The following INSL6 variants were observed in gnomAD, a reference collection of about 807,000 sequenced individuals.
The protein encoded by INSL6 is insulin like 6.
Under a neutral mutation model 9.4 loss-of-function variants are expected in INSL6, and 16 were observed. The ratio of observed to expected loss-of-function variants is 1.70; its 90% confidence interval spans 1.15 to 2.59. The LOEUF (loss-of-function observed/expected upper bound fraction) is 2.59, where lower values mean the gene tolerates loss of function less well. Among genes scored for constraint, INSL6 ranks in the 30% most tolerant of loss-of-function variants. The pLI is 0.00. For missense variants in INSL6, 391 were observed against 257.3 expected, an observed-to-expected ratio of 1.52 and a Z score of -3.56; for synonymous variants, 154 against 96.9, an observed-to-expected ratio of 1.59 and a Z score of -3.46.
At chr9:5,085,170 C>T in the INSL6 span, 5 of 650,982 alleles carry the variant, frequency 7.7e-6, no homozygotes, top group South Asian at 1.4e-5. Context: ...CTACATCTCC[C>T]GGCAAACTGA....
At chr9:5,172,567 G>A (rs10815171) in intron 1 of INSL6, among the ~76,000 whole-genome samples, 53,658 of 152,002 alleles carry the variant, frequency 0.35, 10,171 homozygotes, top group African/African-American at 0.51. Context: ...TCCATTTAAC[G>A]AAGGTCTAAT....
the INSL6 span, among the ~76,000 whole-genome samples, chr9:5,115,214 A>C: frequency 6.6e-6 from 1 of 152,228 alleles, no homozygotes; most frequent in Non-Finnish European, 1.5e-5. Context: ...AAACAAGTTC[A>C]CAAGAAAAAA....
At chr9:5,160,644 G>T (rs564496557), downstream of INSL6, among the ~76,000 whole-genome samples, 1 of 151,986 alleles carries the variant, frequency 6.6e-6, no homozygotes, top group Non-Finnish European at 1.5e-5. Context: ...AAAGATCAAC[G>T]AAACACAAAG....
the INSL6 span, among the ~76,000 whole-genome samples, chr9:5,092,788 A>G: frequency 3.3e-5 from 5 of 152,222 alleles, no homozygotes; most frequent in African/African-American, 7.2e-5. Flanking sequence ...TGATAAGCCT[A>G]TCAAGCCTGC....
the INSL6 span, among the ~76,000 whole-genome samples, chr9:5,029,549 A>G: frequency 1.3e-5 from 2 of 152,204 alleles, no homozygotes; most frequent in African/African-American, 2.4e-5. Context: ...AAACCCCACA[A>G]TATCTGCAAA....
the INSL6 span, chr9:5,022,274 T>G: frequency 4.0e-4 from 428 of 1,081,812 alleles, 2 homozygotes; most frequent in African/African-American, 4.7e-3. Context: ...TATGCTATGC[T>G]AATACTAGGT....
the INSL6 span, among the ~76,000 whole-genome samples, chr9:5,076,940 T>A: frequency 7.1e-6 from 1 of 140,580 alleles, no homozygotes. Context: ...TTTTATATAT[T>A]TTTTTAAAAA....
At chr9:5,172,534 T>C (rs1250386568) in intron 1 of INSL6, among the ~76,000 whole-genome samples, 3 of 151,734 alleles carry the variant, frequency 2.0e-5, no homozygotes, top group Non-Finnish European at 2.9e-5. Flanking sequence ...ACCTACAGAG[T>C]GGGAGGAAAT....
At chr9:5,152,822 G>C (rs1212327258) in intron 2 of INSL6, among the ~76,000 whole-genome samples, 1 of 152,216 alleles carries the variant, frequency 6.6e-6, no homozygotes, top group African/African-American at 2.4e-5. Context: ...GAAGGCAGGT[G>C]ATTTCTGCAT....
At chr9:5,130,061 A>G (rs529033881) in intron 3 of INSL6, among the ~76,000 whole-genome samples, 2 of 152,228 alleles carry the variant, frequency 1.3e-5, no homozygotes, top group Admixed American at 6.5e-5. Flanking sequence ...CTTATCTCCA[A>G]CTGAAACACC....
the INSL6 span, chr9:5,069,124 C>A: frequency 6.2e-7 from 1 of 1,612,936 alleles, no homozygotes; most frequent in Non-Finnish European, 8.5e-7. Flanking sequence ...TCTTAAAGAT[C>A]TTTTGAATTG....
chr9:5,094,144 G>A, the INSL6 span: 4 of 152,138 alleles, frequency 2.6e-5, no homozygotes, highest in South Asian at 8.3e-4. Flanking sequence ...CACTCTAATT[G>A]CTATAGCATT....
At chr9:5,174,982 C>T (rs1487415156) in intron 1 of INSL6, among the ~76,000 whole-genome samples, 1 of 151,762 alleles carries the variant, frequency 6.6e-6, no homozygotes, top group Non-Finnish European at 1.5e-5. Flanking sequence ...CTCTGGCGCC[C>T]AGGCTGGAGT....
At chr9:5,088,672 G>T in the INSL6 span, among the ~76,000 whole-genome samples, 1 of 152,190 alleles carries the variant, frequency 6.6e-6, no homozygotes, top group Non-Finnish European at 1.5e-5. Flanking sequence ...GAATTCCAGG[G>T]CCTGGAAAGT....
At chr9:5,082,467 CTA>C in the INSL6 span, among the ~76,000 whole-genome samples, 1 of 152,230 alleles carries the variant, frequency 6.6e-6, no homozygotes, top group Admixed American at 6.5e-5. Flanking sequence ...AGTTTTTCTC[CTA>C]TCTCAGAAAT....
downstream of INSL6, among the ~76,000 whole-genome samples, chr9:5,119,350 C>T (rs1233119505): frequency 6.6e-6 from 1 of 151,904 alleles, no homozygotes; most frequent in African/African-American, 2.4e-5. Context: ...GGTCCTCCTT[C>T]CAAGGTTCCT....
the INSL6 span, chr9:5,111,737 C>A: frequency 2.3e-6 from 1 of 428,242 alleles, no homozygotes. Flanking sequence ...CGTGGGCTAC[C>A]GGCTGCACGG....
downstream of INSL6, among the ~76,000 whole-genome samples, chr9:5,121,718 G>C (rs1823627814): frequency 6.6e-6 from 1 of 152,156 alleles, no homozygotes; most frequent in Non-Finnish European, 1.5e-5. Context: ...AATGCTCTAA[G>C]AACAAAGAAG....
At chr9:5,108,842 C>G in the INSL6 span, 1 of 152,144 alleles carries the variant, frequency 6.6e-6, no homozygotes, top group Non-Finnish European at 1.5e-5. Flanking sequence ...CCCCTTGAAG[C>G]TTTACAGGTG....
Sources: allele counts gnomAD v4.1 joint callset (sites outside exome capture counted in the v4.1 genomes callset), GRCh38; gene constraint gnomAD v4.1.1; transcripts MANE v1.5; gene names NCBI Gene and HGNC (gene_info 2026-07-23, HGNC 2026-07-21).